The following GMDS variants were observed in gnomAD, a reference collection of about 807,000 sequenced individuals.
GMDS encodes GDP-mannose 4,6 dehydratase.
Under a neutral mutation model 49.9 loss-of-function variants are expected in GMDS, and 20 were observed. The observed-to-expected ratio is 0.40, with a 90% CI of 0.28 to 0.58. GMDS has a LOEUF of 0.58. GMDS is among the 20% of genes least tolerant of loss of function. GMDS has a pLI of 0.42. For missense variants in GMDS, 362 were observed against 481.4 expected, an observed-to-expected ratio of 0.75 and a Z score of 2.32; for synonymous variants, 177 against 178.6, an observed-to-expected ratio of 0.99 and a Z score of 0.07.
chr6:2,016,320 AAAC>A (rs1417872182), intron 4 of GMDS, among the ~76,000 whole-genome samples: 1 of 151,974 alleles, frequency 6.6e-6, no homozygotes, highest in Non-Finnish European at 1.5e-5. Flanking sequence ...GAAAACAAAC[AAAC>A]AACAGAGAAT....
rs531134642 is a variant in GMDS at position 1,961,489 on chromosome 6, CT to C, written c.346-524del. Reference sequence around the variant, plus strand: ...GTAATCTATTACACGAATGCATAATCTTTTTTTAATTTGAGACACAGAGCAT... The same window carrying C: ...GTAATCTATTACACGAATGCATAATCTTTTTTAATTTGAGACACAGAGCAT... On this transcript the variant is annotated intron_variant, in intron 4 of 10. Transcript: ENST00000380815. Among the ~76,000 whole-genome samples, 382 of 152,192 alleles carry C rather than the reference CT, an allele frequency of 2.5e-3. 6 individuals carry two copies. The highest frequency in any genetic ancestry group is 0.021 in the Admixed American group (323 of 15,288).
Position 1,624,193 on chromosome 6 carries a change from G to GAGCTCC in GMDS, c.1089_1094dup (p.Glu364_Leu365dup). 6.2e-7 allele frequency: 1 copy of GAGCTCC among 1,610,688 alleles called. No individual in the cohort carries two copies. The highest frequency in any genetic ancestry group is 2.2e-5 in the East Asian group (1 of 44,874). On this transcript the variant is annotated inframe_insertion, in exon 11 of 11. Coordinates refer to ENST00000380815, the MANE Select transcript of GMDS (RefSeq NM_001500.4). ...CTCAGGCATTGGGGTTTGTCCTCAT[G>GAGCTCC]AGCTCCACGTCGGCGTGCACCATCT...
chr6:2,066,795 A>T (rs1581600791), intron 4 of GMDS, among the ~76,000 whole-genome samples: 1 of 152,092 alleles, frequency 6.6e-6, no homozygotes, highest in African/African-American at 2.4e-5. Flanking sequence ...AGAGACTTAG[A>T]CTCCCACACA....
At position 2,067,464 on chromosome 6, in the gene GMDS, A is replaced by C. The variant is rs547215388; in HGVS notation, c.345+48307T>G. Among the ~76,000 whole-genome samples, 18 of 152,208 alleles carry C rather than the reference A, an allele frequency of 1.2e-4. No homozygotes were observed. In the South Asian group the frequency reaches 3.7e-3, roughly 32 times the overall value. On this transcript the variant is annotated intron_variant, in intron 4 of 10. Transcript: ENST00000380815. ...ACACAAAAAACCCTTCAAAAAATTA[A>C]TGAATCCAGGAGCTGCTTTTTTGAA...
chr6:1,698,942 A>G (rs1751765339), intron 9 of GMDS, among the ~76,000 whole-genome samples: 1 of 152,086 alleles, frequency 6.6e-6, no homozygotes, highest in Non-Finnish European at 1.5e-5. Flanking sequence ...GACACTCACA[A>G]CAAGCCACAG....
At chr6:2,018,593 C>G (rs115202847) in intron 4 of GMDS, among the ~76,000 whole-genome samples, 4 of 152,082 alleles carry the variant, frequency 2.6e-5, no homozygotes, top group Middle Eastern at 6.3e-3. Flanking sequence ...AATCATAATA[C>G]GTGGTGGTTT....
At chr6:1,951,211 GAATT>G (rs1196349742) in intron 6 of GMDS, among the ~76,000 whole-genome samples, 12 of 151,864 alleles carry the variant, frequency 7.9e-5, no homozygotes, top group African/African-American at 2.7e-4. Context: ...ATTTTTACAT[GAATT>G]ATTTTAAAAA....
At chr6:1,979,119 C>T (rs1298487744) in intron 4 of GMDS, among the ~76,000 whole-genome samples, 3 of 152,218 alleles carry the variant, frequency 2.0e-5, no homozygotes, top group African/African-American at 7.2e-5. Context: ...ACTCTGAAAA[C>T]TCAATAATCT....
At chr6:1,961,207 T>A (rs1191693610) in intron 4 of GMDS, among the ~76,000 whole-genome samples, 1 of 152,220 alleles carries the variant, frequency 6.6e-6, no homozygotes, top group Admixed American at 6.5e-5. Context: ...CTTCTACTAC[T>A]CGTAATTCTA....
Position 1,999,981 on chromosome 6 carries a change from T to TA in GMDS, c.346-39016_346-39015insT, listed in dbSNP as rs1491406850. On this transcript the variant is annotated intron_variant, in intron 4 of 10. Coordinates refer to ENST00000380815, the MANE Select transcript of GMDS (RefSeq NM_001500.4). ...ATATTATATATATATTATATATATA[T>TA]TTTATATATATATATTATATATATA... 8.8e-4 allele frequency among the ~76,000 whole-genome samples: 14 copies of TA among 15,924 alleles called. 1 individual carries two copies. Among genetic ancestry groups the TA allele is most frequent in the Admixed American group, 4.6e-3 (4 of 878 alleles). 10.4% of individuals were successfully genotyped at this position (15,924 alleles called of 152,430 possible).
intron 4 of GMDS, among the ~76,000 whole-genome samples, chr6:2,105,586 G>A (rs1774197170): frequency 1.3e-5 from 2 of 152,336 alleles, no homozygotes; most frequent in Admixed American, 6.5e-5. Context: ...TCAGGGTAAA[G>A]ACTGGTTATT....
chr6:2,057,216 G>A (rs1012627427), intron 4 of GMDS, among the ~76,000 whole-genome samples: 3 of 152,140 alleles, frequency 2.0e-5, no homozygotes, highest in East Asian at 1.9e-4. Flanking sequence ...ATACAGTGAT[G>A]TTCTTCTGTG....
intron 4 of GMDS, among the ~76,000 whole-genome samples, chr6:2,002,202 T>TTC (rs1482764012): frequency 1.2e-4 from 18 of 151,894 alleles, no homozygotes; most frequent in Non-Finnish European, 1.8e-4. Flanking sequence ...TTCATTCATT[T>TTC]ATTCATTTAA....
chr6:2,203,574 ATT>A (rs970981964), intron 1 of GMDS, among the ~76,000 whole-genome samples: 1 of 149,790 alleles, frequency 6.7e-6, no homozygotes, highest in Admixed American at 6.7e-5. Flanking sequence ...TTAGGCTATG[ATT>A]TTTTTTTTAT....
chr6:2,199,985 A>T (rs1446068869), intron 1 of GMDS, among the ~76,000 whole-genome samples: 1 of 152,248 alleles, frequency 6.6e-6, no homozygotes, highest in East Asian at 1.9e-4. Context: ...AATTAGAAAC[A>T]TTACAGGATT....
intron 9 of GMDS, among the ~76,000 whole-genome samples, chr6:1,719,622 T>TAA (rs10667150): frequency 0.8 from 117,787 of 146,372 alleles, 47,350 homozygotes; most frequent in East Asian, 0.99. Context: ...CTGATTTGTT[T>TAA]AAAAAAAAAA....
chr6:1,754,193 T>C (rs1158138586), intron 7 of GMDS, among the ~76,000 whole-genome samples: 2 of 152,064 alleles, frequency 1.3e-5, no homozygotes, highest in Non-Finnish European at 2.9e-5. Flanking sequence ...TATAAAATGA[T>C]AAAGGGGACA....
chr6:1,777,649 G>C (rs890024641), intron 7 of GMDS, among the ~76,000 whole-genome samples: 8 of 152,204 alleles, frequency 5.3e-5, no homozygotes, highest in African/African-American at 1.9e-4. Flanking sequence ...ATGCAATTAT[G>C]TGCATTCAGC....
At chr6:2,038,920 C>A (rs2449977) in intron 4 of GMDS, among the ~76,000 whole-genome samples, 1 of 152,162 alleles carries the variant, frequency 6.6e-6, no homozygotes, top group Admixed American at 6.5e-5. Context: ...GACTGGAGTG[C>A]TTGAATTCCG....
Sources: allele counts gnomAD v4.1 joint callset (sites outside exome capture counted in the v4.1 genomes callset), GRCh38; gene constraint gnomAD v4.1.1; transcripts MANE v1.5; gene names NCBI Gene and HGNC (gene_info 2026-07-23, HGNC 2026-07-21).